The following GSE1 variants were observed in gnomAD, a reference collection of about 807,000 sequenced individuals.
GSE1 encodes Gse1 coiled-coil protein, also known as genetic suppressor element 1.
A neutral mutation model predicts 112.6 loss-of-function variants in GSE1; 32 were observed. That is an observed-to-expected ratio of 0.28 (90% CI 0.21 to 0.38). GSE1 has a LOEUF of 0.38. Among genes scored for constraint, GSE1 ranks in the 10% least tolerant of loss-of-function variants. The pLI, the probability that GSE1 is intolerant of heterozygous loss-of-function variation, is 1.00. For synonymous variants in GSE1, 1,115 were observed against 735.6 expected (o/e 1.52, Z -8.35); for missense variants, 2,348 against 1,699.2 (o/e 1.38, Z -6.71).
In GSE1 at chr16:85,572,276, C is replaced by T. The variant is rs554884456; in HGVS notation, c.37+15913C>T. Among the ~76,000 whole-genome samples, 4 of 147,462 alleles carry T rather than the reference C, an allele frequency of 2.7e-5. No homozygotes were observed. The East Asian group carries it at 8.1e-4, about 30-fold the overall frequency. On this transcript the variant is annotated intron_variant, in intron 1 of 2. Coordinates refer to the GSE1 transcript ENST00000635906. The stretch of plus-strand genomic sequence containing the variant: ...ACACACAACCACACACACACCAACA[C>T]ACCACATACCCCCACACACAACACA...
chr16:85,534,034 G>C (rs1407430889), intron 2 of GSE1, among the ~76,000 whole-genome samples: 2 of 151,882 alleles, frequency 1.3e-5, no homozygotes, highest in Non-Finnish European at 2.9e-5. Flanking sequence ...TCCTTCTCAG[G>C]TATTCCTTCC....
chr16:85,626,302 T>C (rs2049064553), intron 1 of GSE1, among the ~76,000 whole-genome samples: 2 of 152,254 alleles, frequency 1.3e-5, no homozygotes, highest in Admixed American at 1.3e-4. Context: ...AATGAATTTA[T>C]CATGAAGCCG....
intron 2 of GSE1, among the ~76,000 whole-genome samples, chr16:85,371,124 G>A (rs922694462): frequency 4.6e-5 from 7 of 152,274 alleles, no homozygotes; most frequent in Non-Finnish European, 8.8e-5. Context: ...TCGCTGCTCC[G>A]CCCCCCTCGT....
chr16:85,618,356 C>G (rs1252776817), intron 1 of GSE1, among the ~76,000 whole-genome samples: 1 of 152,214 alleles, frequency 6.6e-6, no homozygotes, highest in East Asian at 1.9e-4. Flanking sequence ...ATGCCCGCCA[C>G]ATGCCCCTGA....
Position 85,661,164 on chromosome 16 carries a change from C to G in GSE1, c.1659C>G (p.His553Gln), listed in dbSNP as rs750932568. 1 of 1,590,496 alleles carries G rather than the reference C, an allele frequency of 6.3e-7. No individual in the cohort carries two copies. Among genetic ancestry groups the G allele is most frequent in the African/African-American group, 1.3e-5 (1 of 74,624 alleles). ...TCCCTAGGCCAGGACCAAACCGTCA[C>G]GAGCCAGGTGGCCGTGACCCTCCGC... Reference protein sequence around the residue: ...ESTTRPGPNRHEPGGRDPPQH... With the variant: ...ESTTRPGPNRQEPGGRDPPQH... The change falls in exon 9 of 16, where the codon CAC becomes CAG. Residue 553 changes from histidine to glutamine, a missense_variant. Coordinates refer to ENST00000253458, the MANE Select transcript of GSE1 (RefSeq NM_014615.5).
At chr16:85,663,645 G>T in intron 11 of GSE1, 31 bp downstream of exon 11, 1 of 1,589,064 alleles carries the variant, frequency 6.3e-7, no homozygotes, top group Non-Finnish European at 8.6e-7. Flanking sequence ...GAAGGTGGGG[G>T]CTCACTGGGG....
chr16:85,202,945 G>C (rs74031726), intron 1 of GSE1, among the ~76,000 whole-genome samples: 48,646 of 147,930 alleles, frequency 0.33, 8,342 homozygotes, highest in Middle Eastern at 0.45. Flanking sequence ...CTCTCCCTTC[G>C]CCTCCTCCCC....
At chr16:85,430,818 G>A (rs7186450) in intron 2 of GSE1, among the ~76,000 whole-genome samples, 87,540 of 152,082 alleles carry the variant, frequency 0.58, 27,106 homozygotes, top group Non-Finnish European at 0.7. Context: ...CCACTTAGCG[G>A]GCAGCAGAAT....
At chr16:85,273,955 C>T (rs1909105837) in intron 1 of GSE1, among the ~76,000 whole-genome samples, 1 of 151,286 alleles carries the variant, frequency 6.6e-6, no homozygotes, top group Admixed American at 6.6e-5. Flanking sequence ...CCTCGGCCTC[C>T]CAAAGTGCTG....
At position 85,663,625 on chromosome 16, in the gene GSE1, G is replaced by T. The variant is rs116218560; in HGVS notation, c.2644+11G>T. 1,211 of 1,604,926 alleles carry T rather than the reference G, an allele frequency of 7.5e-4. 10 individuals are homozygous for T. In the African/African-American group the frequency reaches 0.015, roughly 19 times the overall value. ...CTGAGAAGAGGAAAGGTAGGGCCTC[G>T]CCTGGGTAGGAAGGTGGGGGCTCAC... On this transcript the variant is annotated intron_variant, in intron 11 of 15. Transcript: ENST00000253458.
chr16:85,642,512 C>T (rs901274741), intron 2 of GSE1, among the ~76,000 whole-genome samples: 43 of 152,282 alleles, frequency 2.8e-4, no homozygotes, highest in African/African-American at 9.9e-4. Flanking sequence ...AGGGGTCTGT[C>T]GCTCACCCAT....
At chr16:85,664,009 C>T (rs981694203) in intron 11 of GSE1, among the ~76,000 whole-genome samples, 18 of 152,392 alleles carry the variant, frequency 1.2e-4, no homozygotes, top group Middle Eastern at 6.8e-3. Context: ...GTGTTGTGTC[C>T]TGGTGGCCGG....
At chr16:85,403,099 G>GA (rs1555579050) in intron 2 of GSE1, among the ~76,000 whole-genome samples, 2 of 151,624 alleles carry the variant, frequency 1.3e-5, no homozygotes, top group South Asian at 2.1e-4. Context: ...GCTGGGGGGG[G>GA]ACTCAGTTCC....
intron 13 of GSE1, among the ~76,000 whole-genome samples, chr16:85,667,524 G>T (rs1225558419): frequency 2.0e-5 from 3 of 152,206 alleles, no homozygotes; most frequent in Non-Finnish European, 4.4e-5. Context: ...TGAGAGGATG[G>T]GCTGGTGTCT....
At chr16:85,198,881 C>T (rs577183929) in intron 1 of GSE1, among the ~76,000 whole-genome samples, 5 of 152,006 alleles carry the variant, frequency 3.3e-5, no homozygotes, top group Admixed American at 6.6e-5. Flanking sequence ...TGGGCTCAAG[C>T]GATCCTCCCA....
intron 1 of GSE1, among the ~76,000 whole-genome samples, chr16:85,176,384 G>A (rs2143213645): frequency 6.6e-6 from 1 of 152,356 alleles, no homozygotes; most frequent in African/African-American, 2.4e-5. Context: ...GCTTGCATGG[G>A]GCAGAGGCCC....
intron 1 of GSE1, among the ~76,000 whole-genome samples, chr16:85,626,379 C>T (rs991140269): frequency 1.3e-5 from 2 of 152,248 alleles, no homozygotes; most frequent in South Asian, 2.1e-4. Context: ...CAGGGTGACC[C>T]GACCTCGTTA....
intron 1 of GSE1, among the ~76,000 whole-genome samples, chr16:85,630,214 C>A (rs1022556564): frequency 6.6e-6 from 1 of 152,216 alleles, no homozygotes; most frequent in Non-Finnish European, 1.5e-5. Context: ...AGGAGGTGAT[C>A]TTACCTTGGC....
intron 1 of GSE1, among the ~76,000 whole-genome samples, chr16:85,198,721 G>A (rs934102092): frequency 1.3e-5 from 2 of 152,050 alleles, no homozygotes; most frequent in Non-Finnish European, 2.9e-5. Flanking sequence ...CGACCCTTTA[G>A]CCCCTTGCTC....
Sources: gnomAD v4.1 joint callset for allele counts (sites outside exome capture counted in the v4.1 genomes callset) on GRCh38, gnomAD v4.1.1 for gene constraint, MANE v1.5 for transcripts, NCBI Gene and HGNC (gene_info 2026-07-23, HGNC 2026-07-21) for gene names.